The following RAD51B variants were observed in gnomAD, a reference collection of about 807,000 sequenced individuals.
RAD51B encodes DNA repair protein RAD51 homolog 2.
A neutral mutation model predicts 42.2 loss-of-function variants in RAD51B; 38 were observed. The ratio of observed to expected loss-of-function variants is 0.90; its 90% CI spans 0.70 to 1.18. The LOEUF (loss-of-function observed/expected upper bound fraction) is 1.18, where lower values mean the gene tolerates loss of function less well. Among genes scored for constraint, RAD51B ranks in the 50% most tolerant of loss-of-function variants. RAD51B has a pLI of 0.00. For missense variants in RAD51B, 373 were observed against 400.7 expected (o/e 0.93, Z 0.59); for synonymous variants, 154 against 145.2 (o/e 1.06, Z -0.43).
chr14:68,074,099 G>C (rs905157148), intron 7 of RAD51B, among the ~76,000 whole-genome samples: 8 of 152,062 alleles, frequency 5.3e-5, no homozygotes, highest in Non-Finnish European at 1.2e-4. Flanking sequence ...AATTTTTGTT[G>C]ACAATATTCT....
chr14:68,186,551 A>C (rs1329267085), intron 7 of RAD51B, among the ~76,000 whole-genome samples: 1 of 152,230 alleles, frequency 6.6e-6, no homozygotes, highest in Non-Finnish European at 1.5e-5. Flanking sequence ...AAAGATGGGC[A>C]AAAGACATGA....
chr14:68,625,078 A>G (rs1892045675), intron 10 of RAD51B, among the ~76,000 whole-genome samples: 1 of 152,198 alleles, frequency 6.6e-6, no homozygotes, highest in South Asian at 2.1e-4. Context: ...CACACAGCCA[A>G]TAAGTGGTGG....
intron 7 of RAD51B, among the ~76,000 whole-genome samples, chr14:68,139,916 G>T (rs1314778548): frequency 6.6e-6 from 1 of 152,112 alleles, no homozygotes; most frequent in Non-Finnish European, 1.5e-5. Context: ...AACACATCTG[G>T]TTTGAAACGT....
chr14:67,875,824 A>G (rs2042706756), intron 5 of RAD51B, among the ~76,000 whole-genome samples: 1 of 152,206 alleles, frequency 6.6e-6, no homozygotes, highest in Non-Finnish European at 1.5e-5. Flanking sequence ...GTGGCCAGCC[A>G]TGACTCAGGC....
chr14:67,836,545 G>T (rs1464693985), intron 4 of RAD51B, among the ~76,000 whole-genome samples: 2 of 151,518 alleles, frequency 1.3e-5, no homozygotes, highest in African/African-American at 4.9e-5. Flanking sequence ...AAGTGCAGTG[G>T]CACAATCTTG....
At chr14:68,340,742 A>C (rs985748425) in intron 8 of RAD51B, among the ~76,000 whole-genome samples, 2 of 152,218 alleles carry the variant, frequency 1.3e-5, no homozygotes, top group African/African-American at 4.8e-5. Context: ...CAGAGGTTGA[A>C]GGGGAGGTTT....
At chr14:68,518,652 G>A (rs1441168389) in intron 10 of RAD51B, among the ~76,000 whole-genome samples, 2 of 149,062 alleles carry the variant, frequency 1.3e-5, no homozygotes, top group Non-Finnish European at 3.0e-5. Flanking sequence ...AGGTTAATGT[G>A]ACTTGACCAG....
chr14:68,348,037 C>T (rs1047253567), intron 8 of RAD51B, among the ~76,000 whole-genome samples: 13 of 152,132 alleles, frequency 8.5e-5, no homozygotes, highest in African/African-American at 2.9e-4. Context: ...CAGCAAGTAC[C>T]TATCTTGGCA....
chr14:68,423,845 G>C (rs529881485), intron 9 of RAD51B, among the ~76,000 whole-genome samples: 20 of 152,294 alleles, frequency 1.3e-4, no homozygotes, highest in Non-Finnish European at 2.5e-4. Flanking sequence ...CCTTATAACT[G>C]TGTGGCTCTG....
chr14:67,907,642 C>T (rs778593776), intron 7 of RAD51B, among the ~76,000 whole-genome samples: 5 of 151,918 alleles, frequency 3.3e-5, no homozygotes, highest in East Asian at 1.9e-4. Context: ...ACCCTGCCTC[C>T]GGAGTTATTT....
intron 7 of RAD51B, among the ~76,000 whole-genome samples, chr14:68,188,526 T>C (rs555938904): frequency 8.2e-4 from 125 of 152,374 alleles, no homozygotes; most frequent in African/African-American, 2.9e-3. Flanking sequence ...TCTATGGCTC[T>C]ACTTTTGTAT....
At chr14:68,598,502 G>C (rs1891092161), downstream of RAD51B, among the ~76,000 whole-genome samples, 1 of 152,234 alleles carries the variant, frequency 6.6e-6, no homozygotes, top group Non-Finnish European at 1.5e-5. Context: ...CTAAAGTGTA[G>C]AGAAGGGAGG....
At chr14:68,146,033 A>G (rs552963292) in intron 7 of RAD51B, among the ~76,000 whole-genome samples, 1 of 106,856 alleles carries the variant, frequency 9.4e-6, no homozygotes, top group South Asian at 3.5e-4. Flanking sequence ...TATGTTCAAT[A>G]TAAAGGGGCC....
intron 7 of RAD51B, among the ~76,000 whole-genome samples, chr14:68,133,454 A>G (rs190399440): frequency 1.2e-3 from 180 of 152,318 alleles, no homozygotes; most frequent in African/African-American, 4.1e-3. Context: ...CTTCAAAGAC[A>G]GTACTCTTAA....
At chr14:68,143,246 A>T (rs1320214155) in intron 7 of RAD51B, among the ~76,000 whole-genome samples, 1 of 152,180 alleles carries the variant, frequency 6.6e-6, no homozygotes, top group African/African-American at 2.4e-5. Context: ...ATGATCTCCA[A>T]GGTCTTTTAC....
At chr14:68,673,504 GT>G (rs1189336949) in intron 11 of RAD51B, among the ~76,000 whole-genome samples, 2 of 139,888 alleles carry the variant, frequency 1.4e-5, no homozygotes, top group Non-Finnish European at 3.1e-5. Context: ...GTACACACAT[GT>G]ATGTACACAC....
intron 4 of RAD51B, among the ~76,000 whole-genome samples, chr14:67,842,694 C>T (rs2041469677): frequency 1.3e-5 from 2 of 152,178 alleles, no homozygotes; most frequent in South Asian, 2.1e-4. Flanking sequence ...TGCCTGATTG[C>T]TCTGGCTAGG....
At position 68,264,009 on chromosome 14, in the gene RAD51B, C is replaced by T. The variant is rs142338387; in HGVS notation, c.757-27875C>T. 2.5e-4 allele frequency among the ~76,000 whole-genome samples: 38 copies of T among 152,308 alleles called. 2 individuals are homozygous for T. In the East Asian group the frequency reaches 7.3e-3, roughly 29 times the overall value. Reference sequence around the variant, plus strand: ...TCTCTTCTGGGAACGGCCAAGGCCCCCAAAACACAAAAGTGAACTATGATC... The same window carrying T: ...TCTCTTCTGGGAACGGCCAAGGCCCTCAAAACACAAAAGTGAACTATGATC... On this transcript the variant is annotated intron_variant, in intron 7 of 10. Coordinates refer to ENST00000471583, the MANE Select transcript of RAD51B (RefSeq NM_133510.4).
intron 10 of RAD51B, among the ~76,000 whole-genome samples, chr14:68,632,537 C>T (rs956818397): frequency 2.6e-5 from 4 of 152,144 alleles, no homozygotes; most frequent in Non-Finnish European, 4.4e-5. Context: ...AGCTCCGGAT[C>T]GAGGGATTTA....
Sources: gnomAD v4.1 joint callset for allele counts (sites outside exome capture counted in the v4.1 genomes callset) on GRCh38, gnomAD v4.1.1 for gene constraint, MANE v1.5 for transcripts, NCBI Gene and HGNC (gene_info 2026-07-23, HGNC 2026-07-21) for gene names.